The following EFCAB8 variants were observed in gnomAD, a reference collection of about 807,000 sequenced individuals.
The protein encoded by EFCAB8 is EF-hand calcium-binding domain-containing protein 8.
A neutral mutation model predicts 116.3 loss-of-function variants in EFCAB8; 100 were observed. The ratio of observed to expected loss-of-function variants is 0.86; its 90% CI spans 0.73 to 1.02. EFCAB8 has a LOEUF of 1.02. Ranked by LOEUF, EFCAB8 falls within the 50% of genes least tolerant of loss-of-function variation. EFCAB8 has a pLI of 0.00. For synonymous variants in EFCAB8, 558 were observed against 567.9 expected (o/e 0.98, Z 0.25); for missense variants, 1,320 against 1,416.9 (o/e 0.93, Z 1.10).
chr20:32,959,293 A>C (rs1989068111), intron 24 of EFCAB8, among the ~76,000 whole-genome samples: 1 of 152,224 alleles, frequency 6.6e-6, no homozygotes, highest in African/African-American at 2.4e-5. Flanking sequence ...GATTGAGTGG[A>C]TCAAGTAAGG....
At chr20:32,863,732 CG>C in intron 1 of EFCAB8, 50 bp from the exon 2 acceptor site, 1 of 1,530,144 alleles carries the variant, frequency 6.5e-7, no homozygotes, top group Non-Finnish European at 8.8e-7. Context: ...CAGCCTTCCA[CG>C]TGGTCCTTAC....
chr20:32,870,081 T>C (rs6057661), intron 3 of EFCAB8, among the ~76,000 whole-genome samples: 58,928 of 152,116 alleles, frequency 0.39, 13,188 homozygotes, highest in Middle Eastern at 0.52. Context: ...TTACCTGCCC[T>C]GTGAATTTCT....
chr20:32,942,813 A>T (rs1988447235), intron 22 of EFCAB8, among the ~76,000 whole-genome samples: 1 of 152,006 alleles, frequency 6.6e-6, no homozygotes, highest in Non-Finnish European at 1.5e-5. Context: ...TTTGGGTGTA[A>T]GATAAAAGAT....
intron 5 of EFCAB8, among the ~76,000 whole-genome samples, chr20:32,880,910 T>A (rs1162731609): frequency 3.3e-5 from 5 of 152,044 alleles, no homozygotes; most frequent in Non-Finnish European, 5.9e-5. Context: ...TATATATATA[T>A]AAAACACCAC....
At chr20:32,901,780 C>T (rs933741563) in intron 11 of EFCAB8, among the ~76,000 whole-genome samples, 8 of 152,206 alleles carry the variant, frequency 5.3e-5, no homozygotes, top group African/African-American at 1.2e-4. Context: ...CTCCACCTCC[C>T]GGGTTCAAGC....
At chr20:32,863,949 C>T (rs959225523) in intron 2 of EFCAB8, 115 bp downstream of exon 2, 11 of 1,186,444 alleles carry the variant, frequency 9.3e-6, no homozygotes, top group African/African-American at 3.2e-5. Flanking sequence ...GGGTTGCATA[C>T]TCAGATATTT....
intron 3 of EFCAB8, among the ~76,000 whole-genome samples, chr20:32,870,164 T>C (rs1329843025): frequency 6.6e-6 from 1 of 152,160 alleles, no homozygotes; most frequent in Non-Finnish European, 1.5e-5. Context: ...ACGAGTAAAG[T>C]GAGACCTAGG....
Position 32,930,461 on chromosome 20 carries a change from G to C in EFCAB8, c.2476G>C (p.Asp826His). 1 of 1,551,890 alleles carries C rather than the reference G, an allele frequency of 6.4e-7. No homozygotes were observed. The highest frequency in any genetic ancestry group is 8.7e-7 in the Non-Finnish European group (1 of 1,147,024). ...HTAALLSSCMDGYIYAWSLHE... is the reference protein window; with the variant it reads ...HTAALLSSCMHGYIYAWSLHE... ...GGCTGCCCTGCTGAGCAGCTGCATG[G>C]ACGGCTACATCTACGCCTGGTCCCT... The change falls in exon 21 of 27, where the codon GAC (aspartate) becomes CAC (histidine). Residue 826 changes from aspartate (D) to histidine (H), a missense_variant. Physicochemically the swap from Asp to His is moderately conservative, Grantham distance 81. Transcript: ENST00000400522.
chr20:32,880,627 A>G (rs1047948345), intron 5 of EFCAB8, among the ~76,000 whole-genome samples: 27 of 152,232 alleles, frequency 1.8e-4, no homozygotes, highest in African/African-American at 6.0e-4. Flanking sequence ...AATAAATATG[A>G]ATGATAAGAG....
intron 7 of EFCAB8, among the ~76,000 whole-genome samples, chr20:32,890,809 C>G (rs545079699): frequency 1.1e-4 from 16 of 152,342 alleles, no homozygotes; most frequent in Non-Finnish European, 8.8e-5. Context: ...TCGCTTTACC[C>G]AGAGGTAAAA....
intron 23 of EFCAB8, among the ~76,000 whole-genome samples, chr20:32,954,811 C>A (rs1988913624): frequency 6.6e-6 from 1 of 152,092 alleles, no homozygotes; most frequent in South Asian, 2.1e-4. Flanking sequence ...TAGCTTTTGT[C>A]CTTTATCCTG....
intron 1 of EFCAB8, among the ~76,000 whole-genome samples, chr20:32,861,478 G>C (rs187987175): frequency 1.3e-5 from 2 of 152,250 alleles, no homozygotes; most frequent in Non-Finnish European, 2.9e-5. Flanking sequence ...TAGTGGAGAT[G>C]GGATTTCTCC....
rs569561397 is a variant in EFCAB8 at position 32,904,587 on chromosome 20, C to T, written c.1089-1975C>T. ...GTGCTGGGATTGCAGGTGTGAGCCA[C>T]CACACCTGAATGGAGCTTTTTTTTT... On this transcript the variant is annotated intron_variant, in intron 11 of 26. Coordinates refer to ENST00000400522, the MANE Select transcript of EFCAB8 (RefSeq NM_001143967.2). Among the ~76,000 whole-genome samples, 5 of 150,026 alleles carry T rather than the reference C, an allele frequency of 3.3e-5. No individual in the cohort carries two copies. The South Asian group carries it at 1.1e-3, about 32-fold the overall frequency.
At chr20:32,951,372 G>A (rs1353053833) in intron 23 of EFCAB8, among the ~76,000 whole-genome samples, 7 of 152,226 alleles carry the variant, frequency 4.6e-5, no homozygotes, top group Middle Eastern at 3.2e-3. Flanking sequence ...GTTATACAAC[G>A]TGGTTGGATC....
At chr20:32,936,349 T>C (rs1324874975) in intron 22 of EFCAB8, among the ~76,000 whole-genome samples, 1 of 152,188 alleles carries the variant, frequency 6.6e-6, no homozygotes, top group Non-Finnish European at 1.5e-5. Flanking sequence ...TTGCTTTTAT[T>C]ACCTGTGCTT....
chr20:32,892,099 A>G (rs1041837148), intron 7 of EFCAB8, 114 bp from the exon 8 acceptor site: 4 of 935,834 alleles, frequency 4.3e-6, no homozygotes, highest in Admixed American at 2.2e-5. Context: ...CCATGGGGGA[A>G]AAAGGGCTGA....
intron 14 of EFCAB8, among the ~76,000 whole-genome samples, chr20:32,908,690 C>A (rs952669191): frequency 6.6e-6 from 1 of 152,246 alleles, no homozygotes; most frequent in African/African-American, 2.4e-5. Flanking sequence ...CCACCCTGAA[C>A]GTCAGGCTTG....
At chr20:32,953,760 C>T (rs1988871066) in intron 23 of EFCAB8, among the ~76,000 whole-genome samples, 1 of 152,096 alleles carries the variant, frequency 6.6e-6, no homozygotes, top group South Asian at 2.1e-4. Context: ...GATACTTTCT[C>T]CCATTCTGTA....
Position 32,898,622 on chromosome 20 carries a change from A to G in EFCAB8, c.1087A>G (p.Arg363Gly). 4 of 717,920 alleles carry G rather than the reference A, an allele frequency of 5.6e-6. No individual in the cohort carries two copies. The highest frequency in any genetic ancestry group is 1.0e-5 in the Non-Finnish European group (4 of 384,722). 44.5% of individuals were successfully genotyped at this position (717,920 alleles called of 1,614,324 possible). ...GCCAGCCAAAGCCTCTAAGAAACCC[A>G]GGTAAGAAGTGCTTCTCTCCTGGCT... ...ILPAKASKKP[R>G]LSVLRLRKGI... is the part of the protein sequence containing the mutation. Residue 363 changes from arginine (R) to glycine (G), a missense_variant and splice_region_variant, in exon 11 of 27, where the codon AGG (arginine) becomes GGG (glycine). Coordinates refer to ENST00000400522, the MANE Select transcript of EFCAB8 (RefSeq NM_001143967.2).
Sources: gnomAD v4.1 joint callset for allele counts (sites outside exome capture counted in the v4.1 genomes callset) on GRCh38, gnomAD v4.1.1 for gene constraint, MANE v1.5 for transcripts, NCBI Gene and HGNC (gene_info 2026-07-23, HGNC 2026-07-21) for gene names.